Variants in KLHL22 observed in about 807,000 individuals in gnomAD.
KLHL22 encodes kelch like family member 22, also known as kelch-like protein 22.
Under a neutral mutation model 60.7 loss-of-function variants are expected in KLHL22, and 18 were observed. That is an observed-to-expected ratio of 0.30 (90% CI 0.20 to 0.44). KLHL22 has a LOEUF of 0.44. KLHL22 is among the 20% of genes least tolerant of loss of function. The pLI, the probability that KLHL22 is intolerant of heterozygous loss-of-function variation, is 1.00. For missense variants in KLHL22, 596 were observed against 852.3 expected (o/e 0.70, Z 3.74); for synonymous variants, 355 against 354.5 (o/e 1.00, Z -0.01).
intron 5 of KLHL22, chr22:20,451,514 CAGG>C (rs2052978855): frequency 1.3e-6 from 2 of 1,596,990 alleles, no homozygotes; most frequent in Admixed American, 1.7e-5. Flanking sequence ...CGTTCTGGTG[CAGG>C]AGTAGCCCTG....
At chr22:20,479,340 G>T (rs2053463799) in intron 2 of KLHL22, among the ~76,000 whole-genome samples, 1 of 152,068 alleles carries the variant, frequency 6.6e-6, no homozygotes. Flanking sequence ...TTAAAAAGTT[G>T]TTCACACCTC....
chr22:20,471,410 G>C lies in KLHL22; in HGVS notation c.333C>G (p.Ser111=). The C allele has an allele frequency of 6.2e-7, 1 of 1,614,080 alleles. No homozygotes were observed. The highest frequency in any genetic ancestry group is 8.5e-7 in the Non-Finnish European group (1 of 1,179,958). Residue 111 remains serine, a synonymous_variant, in exon 3 of 7, where the codon TCC becomes TCG. Transcript: ENST00000328879. ...CATTGCTCAGGCTGAGCTCCAGCTC[G>C]GAGGTGTATATGAAATGTAGGATTT... ...MCQILHFIYT[S]ELELSLSNVQ... is the part of the protein sequence containing the mutation.
chr22:20,454,836 T>C (rs1263662555), intron 5 of KLHL22, among the ~76,000 whole-genome samples: 1 of 152,190 alleles, frequency 6.6e-6, no homozygotes, highest in African/African-American at 2.4e-5. Flanking sequence ...TTTCATCGGC[T>C]TTTTGTAATA....
intron 5 of KLHL22, among the ~76,000 whole-genome samples, chr22:20,448,733 G>A (rs529332978): frequency 3.3e-5 from 5 of 152,106 alleles, no homozygotes; most frequent in East Asian, 1.9e-4. Flanking sequence ...CCTGGCTAAC[G>A]TATACAGAGT....
chr22:20,471,265 A>G, intron 3 of KLHL22, 85 bp downstream of exon 3: 1 of 1,340,696 alleles, frequency 7.5e-7, no homozygotes. Context: ...CTTCAAGCCA[A>G]TGCTAGTGCC....
intron 2 of KLHL22, chr22:20,483,202 G>A (rs550333236): frequency 1.4e-5 from 9 of 651,952 alleles, no homozygotes; most frequent in South Asian, 4.8e-5. Context: ...AGGACTGGAC[G>A]TACGTCTCAA....
intron 4 of KLHL22, among the ~76,000 whole-genome samples, chr22:20,458,306 G>T (rs2053098245): frequency 7.2e-6 from 1 of 138,530 alleles, no homozygotes; most frequent in Non-Finnish European, 1.5e-5. Context: ...TTTGTGGAGA[G>T]AGGTCTCTCT....
At position 20,489,988 on chromosome 22, in the gene KLHL22, T is replaced by C. The variant is rs556434439; in HGVS notation, c.-33-744A>G. ...TTCAAAAACCGCAAACTGATTTGAA[T>C]TGGAGCCTCTAAAACCTAATCAGTA... On this transcript the variant is annotated intron_variant, in intron 1 of 6. Coordinates refer to ENST00000328879, the MANE Select transcript of KLHL22 (RefSeq NM_032775.4). 8 of 357,030 alleles carry C rather than the reference T, an allele frequency of 2.2e-5. No individual in the cohort carries two copies. The East Asian group carries it at 3.1e-4, about 14-fold the overall frequency. The allele number at this position is 357,030 out of a possible 1,614,324, so 22.1% of individuals were successfully genotyped here. A position where few individuals can be genotyped will look rare whatever the true frequency, so the allele number is the denominator to read the frequency against.
At chr22:20,467,040 CA>C (rs2053247072) in intron 3 of KLHL22, among the ~76,000 whole-genome samples, 1 of 152,248 alleles carries the variant, frequency 6.6e-6, no homozygotes. Context: ...CCTGGGAGAA[CA>C]AACCAGGTGT....
rs58617703 is a variant in KLHL22, at chr22:20,470,349, TA to T, written c.393+1000del. ...GGGTAACAGAGTGAGACCCTGTCTT[TA>T]AAAAAAAAAAAAAAATAGGCCAGGC... On this transcript the variant is annotated intron_variant, in intron 3 of 6. Coordinates refer to ENST00000328879, the MANE Select transcript of KLHL22 (RefSeq NM_032775.4). Among the ~76,000 whole-genome samples, 662 of 138,874 alleles carry T rather than the reference TA, an allele frequency of 4.8e-3. 4 individuals are homozygous for T. The highest frequency in any genetic ancestry group is 0.015 in the East Asian group (72 of 4,822). The allele number at this position is 138,874 out of a possible 152,430, so 91.1% of individuals were successfully genotyped here.
At chr22:20,460,651 A>T (rs1239056916) in intron 4 of KLHL22, among the ~76,000 whole-genome samples, 1 of 132,440 alleles carries the variant, frequency 7.6e-6, no homozygotes, top group Non-Finnish European at 1.6e-5. Flanking sequence ...AAAAAAAGAC[A>T]CCAACAGTGA....
chr22:20,489,777 G>A (rs1457853392), intron 1 of KLHL22: 1 of 471,202 alleles, frequency 2.1e-6, no homozygotes, highest in Non-Finnish European at 4.4e-6. Context: ...CCTGAGTAGT[G>A]GTCAGGAGAC....
rs538744264 is a variant in KLHL22, at chr22:20,453,791, G to A, written c.1305+4017C>T. Among the ~76,000 whole-genome samples, 27 of 152,202 alleles carry A rather than the reference G, an allele frequency of 1.8e-4. 1 individual carries two copies. The South Asian group carries it at 5.6e-3, about 32-fold the overall frequency. Reference sequence around the variant, plus strand: ...ACTCTGTCGCCCAGGCTGGAGTGCAGTGGCGCAATCTCGGCTCATTGCAAC... The same window carrying A: ...ACTCTGTCGCCCAGGCTGGAGTGCAATGGCGCAATCTCGGCTCATTGCAAC... On this transcript the variant is annotated intron_variant, in intron 5 of 6. Coordinates refer to ENST00000328879, the MANE Select transcript of KLHL22 (RefSeq NM_032775.4).
intron 1 of KLHL22, among the ~76,000 whole-genome samples, chr22:20,494,981 G>T (rs531919189): frequency 1.3e-5 from 2 of 152,338 alleles, no homozygotes; most frequent in East Asian, 3.9e-4. Flanking sequence ...AAAGGCAAAG[G>T]GGGCGGCTGC....
At chr22:20,489,282 C>T (rs1421765036) in intron 1 of KLHL22, 38 bp from the exon 2 acceptor site, 8 of 1,475,832 alleles carry the variant, frequency 5.4e-6, no homozygotes, top group African/African-American at 4.2e-5. Context: ...GGTGAGCAGG[C>T]AGGCATCAGC....
At position 20,465,009 on chromosome 22, in the gene KLHL22, G is replaced by A; in HGVS notation, c.961C>T (p.Leu321=). ...TTCCACTCTCCCAGTAAGGGGTTTA[G>A]ATACTTGGCCTGGTCGCTGAGGACA... is the stretch of plus-strand genomic sequence containing the variant. ...STVLSDQAKY[L]NPLLGEWKHF... The change falls in exon 4 of 7, where the codon CTA becomes TTA. Residue 321 remains leucine, a synonymous_variant. Transcript: ENST00000328879. This position sits in a 1 kb window ranked among gnomAD's most constrained non-coding sequence, Gnocchi z 4.9. 6.2e-7 allele frequency: 1 copy of A among 1,611,956 alleles called. No individual in the cohort carries two copies. The highest frequency in any genetic ancestry group is 1.7e-4 in the Middle Eastern group (1 of 6,056).
chr22:20,461,397 C>A (rs1014795622), intron 4 of KLHL22, among the ~76,000 whole-genome samples: 1 of 151,484 alleles, frequency 6.6e-6, no homozygotes, highest in South Asian at 2.1e-4. Context: ...ACTAAAAATA[C>A]AAAAAATTAG....
chr22:20,448,873 C>T (rs189790127), intron 5 of KLHL22, among the ~76,000 whole-genome samples: 195 of 152,266 alleles, frequency 1.3e-3, no homozygotes, highest in African/African-American at 4.5e-3. Context: ...ACCAGTATTT[C>T]GTATTTTCAC....
intron 2 of KLHL22, 133 bp from the exon 3 acceptor site, chr22:20,471,648 G>A: frequency 1.2e-6 from 1 of 864,960 alleles, no homozygotes; most frequent in South Asian, 1.6e-5. Flanking sequence ...CCCACTCTGT[G>A]CTCTGAGTGA....
Sources: allele counts gnomAD v4.1 joint callset (sites outside exome capture counted in the v4.1 genomes callset), GRCh38; gene constraint gnomAD v4.1.1; non-coding constraint Gnocchi (gnomAD v3.1); transcripts MANE v1.5; gene names NCBI Gene and HGNC (gene_info 2026-07-23, HGNC 2026-07-21).